The following AKAP13 variants were observed in gnomAD, a reference collection of about 807,000 sequenced individuals.
AKAP13 encodes A-kinase anchor protein 13.
In AKAP13, 80 loss-of-function variants were observed where a neutral mutation model predicts 264.5. The ratio of observed to expected loss-of-function variants is 0.30; its 90% confidence interval spans 0.25 to 0.36. The LOEUF is 0.36. Among genes scored for constraint, AKAP13 ranks in the 10% least tolerant of loss-of-function variants. The probability of loss-of-function intolerance (pLI) is 1.00; values close to 1 mark genes in which losing one functional copy is unlikely to be tolerated. For synonymous variants in AKAP13, 1,380 were observed against 1,250.2 expected (o/e 1.10, Z -2.19); for missense variants, 3,712 against 3,435.2 (o/e 1.08, Z -2.01).
chr15:85,433,469 A>G (rs1361629349), intron 1 of AKAP13, among the ~76,000 whole-genome samples: 2 of 152,008 alleles, frequency 1.3e-5, no homozygotes, highest in East Asian at 3.9e-4. Context: ...TTCGATTTCT[A>G]GGTGGAAGAT....
intron 1 of AKAP13, among the ~76,000 whole-genome samples, chr15:85,439,196 G>A (rs1371682924): frequency 6.6e-6 from 1 of 151,708 alleles, no homozygotes; most frequent in Non-Finnish European, 1.5e-5. Context: ...AGACATTTAT[G>A]CAGCCAAAAA....
intron 8 of AKAP13, among the ~76,000 whole-genome samples, chr15:85,610,679 C>G (rs1031202797): frequency 6.6e-6 from 1 of 152,310 alleles, no homozygotes; most frequent in East Asian, 1.9e-4. Flanking sequence ...AGTTAGTATA[C>G]AGATAGAGCT....
intron 2 of AKAP13, among the ~76,000 whole-genome samples, chr15:85,498,197 G>GATATATATATATATAT (rs1491342478): frequency 0.02 from 608 of 29,794 alleles, 23 homozygotes; most frequent in South Asian, 0.052. Context: ...TAAATGAAGT[G>GATATATATATATATAT]AGATATATAT....
At chr15:85,607,980 T>C (rs1156513864) in intron 8 of AKAP13, among the ~76,000 whole-genome samples, 2 of 152,226 alleles carry the variant, frequency 1.3e-5, no homozygotes, top group African/African-American at 4.8e-5. Flanking sequence ...CTTTGTTTTT[T>C]TGGACAATTG....
At chr15:85,648,357 C>T (rs1436178746) in intron 10 of AKAP13, among the ~76,000 whole-genome samples, 1 of 152,190 alleles carries the variant, frequency 6.6e-6, no homozygotes, top group African/African-American at 2.4e-5. Context: ...ACAGCTTGTG[C>T]CTGGATGTTA....
intron 2 of AKAP13, among the ~76,000 whole-genome samples, chr15:85,504,414 C>A (rs1294058619): frequency 2.1e-5 from 3 of 144,496 alleles, no homozygotes; most frequent in East Asian, 2.2e-4. Flanking sequence ...TGCTGGTAAT[C>A]CCAGCACTTT....
intron 2 of AKAP13, among the ~76,000 whole-genome samples, chr15:85,520,498 CAA>C (rs71468111): frequency 1.3e-3 from 95 of 71,294 alleles, no homozygotes; most frequent in Middle Eastern, 7.6e-3. Flanking sequence ...AACTCCGTCT[CAA>C]AAAAAAAAAA....
intron 8 of AKAP13, among the ~76,000 whole-genome samples, chr15:85,594,247 A>G (rs2079709027): frequency 6.6e-6 from 1 of 152,224 alleles, no homozygotes; most frequent in African/African-American, 2.4e-5. Flanking sequence ...ACTCAGTTCA[A>G]CAAATGTTCA....
intron 2 of AKAP13, among the ~76,000 whole-genome samples, chr15:85,504,491 AC>A (rs961148437): frequency 1.7e-5 from 2 of 119,902 alleles, no homozygotes; most frequent in Non-Finnish European, 3.3e-5. Context: ...ATGTGGTGAG[AC>A]CCTGTCTTTA....
At chr15:85,462,067 A>C (rs937203465) in intron 1 of AKAP13, among the ~76,000 whole-genome samples, 1 of 152,228 alleles carries the variant, frequency 6.6e-6, no homozygotes, top group African/African-American at 2.4e-5. Flanking sequence ...ACATGAAGAC[A>C]CTAGAGAGTA....
chr15:85,485,993 T>C (rs181079166), intron 2 of AKAP13, among the ~76,000 whole-genome samples: 9 of 152,346 alleles, frequency 5.9e-5, no homozygotes, highest in Admixed American at 5.2e-4. Context: ...TTAGTCAGGG[T>C]AATAGTATGC....
chr15:85,434,240 C>T (rs558860288), intron 1 of AKAP13, among the ~76,000 whole-genome samples: 9 of 152,128 alleles, frequency 5.9e-5, no homozygotes, highest in African/African-American at 1.9e-4. Context: ...GTCACTCCCA[C>T]CCGAATATTG....
intron 1 of AKAP13, among the ~76,000 whole-genome samples, chr15:85,456,852 T>G (rs1428476550): frequency 6.6e-6 from 1 of 152,222 alleles, no homozygotes; most frequent in East Asian, 1.9e-4. Flanking sequence ...GTAAAATTAT[T>G]ACTATACGTT....
chr15:85,666,370 G>GT (rs932538664), intron 13 of AKAP13, among the ~76,000 whole-genome samples: 320 of 149,154 alleles, frequency 2.1e-3, no homozygotes, highest in Admixed American at 4.1e-3. Context: ...TTTTGATGGA[G>GT]TTTTTTTTTT....
intron 1 of AKAP13, among the ~76,000 whole-genome samples, chr15:85,473,246 C>T (rs993377649): frequency 1.3e-5 from 2 of 151,268 alleles, no homozygotes; most frequent in Admixed American, 6.6e-5. Flanking sequence ...TAACTGGGCG[C>T]GGGTGTGGGG....
At chr15:85,436,806 G>A (rs926973324) in intron 1 of AKAP13, among the ~76,000 whole-genome samples, 123 of 152,046 alleles carry the variant, frequency 8.1e-4, no homozygotes, top group African/African-American at 2.3e-3. Flanking sequence ...TCTCTGGGAC[G>A]CATTCAAAGC....
At chr15:85,583,361 C>T (rs926586693) in intron 7 of AKAP13, among the ~76,000 whole-genome samples, 3 of 152,056 alleles carry the variant, frequency 2.0e-5, no homozygotes, top group Non-Finnish European at 2.9e-5. Context: ...GGCTTTTAGC[C>T]GTTTATAATC....
At chr15:85,654,776 A>T (rs139165980) in intron 10 of AKAP13, among the ~76,000 whole-genome samples, 20 of 152,100 alleles carry the variant, frequency 1.3e-4, no homozygotes, top group African/African-American at 4.8e-4. Context: ...GTGAGCCATA[A>T]TTTCACCACT....
chr15:85,689,300 G>T (rs906538986), intron 16 of AKAP13, among the ~76,000 whole-genome samples: 1 of 152,170 alleles, frequency 6.6e-6, no homozygotes, highest in African/African-American at 2.4e-5. Flanking sequence ...TGTTTACAAA[G>T]ACTTAATTTT....
Sources: allele counts gnomAD v4.1 joint callset (sites outside exome capture counted in the v4.1 genomes callset), GRCh38; gene constraint gnomAD v4.1.1; transcripts MANE v1.5; gene names NCBI Gene and HGNC (gene_info 2026-07-23, HGNC 2026-07-21).